The following NRG3 variants were observed in gnomAD, a reference collection of about 807,000 sequenced individuals.
The protein encoded by NRG3 is neuregulin 3.
NRG3 carries 31 observed loss-of-function variants against 66.9 expected under a neutral mutation model. The observed-to-expected ratio is 0.46, with a 90% CI of 0.35 to 0.63. NRG3 has a LOEUF of 0.63. Among genes scored for constraint, NRG3 ranks in the 20% least tolerant of loss-of-function variants. The pLI is 0.00. For missense variants in NRG3, 910 were observed against 878.9 expected (o/e 1.04, Z -0.45); for synonymous variants, 393 against 359.4 (o/e 1.09, Z -1.06).
At chr10:82,735,929 GAAAGATAAT>G (rs2058132900) in intron 2 of NRG3, among the ~76,000 whole-genome samples, 1 of 102,220 alleles carries the variant, frequency 9.8e-6, no homozygotes, top group South Asian at 3.1e-4. Flanking sequence ...ATAAAAAAAA[GAAAGATAAT>G]AGAATATTAA....
chr10:82,151,569 T>C (rs1740305376), intron 1 of NRG3, among the ~76,000 whole-genome samples: 1 of 152,228 alleles, frequency 6.6e-6, no homozygotes, highest in African/African-American at 2.4e-5. Context: ...TGATGTCATC[T>C]TGTTGGATGT....
chr10:82,265,407 A>G (rs2078244698), intron 1 of NRG3, among the ~76,000 whole-genome samples: 1 of 152,192 alleles, frequency 6.6e-6, no homozygotes, highest in Non-Finnish European at 1.5e-5. Flanking sequence ...GAGGAAGGTT[A>G]TGGACGATGG....
chr10:82,786,680 T>C (rs969125500), intron 3 of NRG3, among the ~76,000 whole-genome samples: 2 of 152,152 alleles, frequency 1.3e-5, no homozygotes, highest in Admixed American at 1.3e-4. Context: ...ATTTTGTGTG[T>C]GAGAATGACA....
chr10:82,110,250 A>C (rs755014988), intron 1 of NRG3, among the ~76,000 whole-genome samples: 3 of 152,158 alleles, frequency 2.0e-5, no homozygotes, highest in Non-Finnish European at 2.9e-5. Flanking sequence ...CAAATAAAAA[A>C]TCCTTTGGAT....
intron 6 of NRG3, among the ~76,000 whole-genome samples, chr10:82,961,409 A>G (rs1850627081): frequency 6.6e-6 from 1 of 152,240 alleles, no homozygotes; most frequent in Admixed American, 6.5e-5. Flanking sequence ...GCATTGTCTC[A>G]TTTAGTTCTA....
intron 1 of NRG3, among the ~76,000 whole-genome samples, chr10:81,984,615 A>G (rs1589687064): frequency 2.0e-5 from 3 of 151,978 alleles, no homozygotes; most frequent in Middle Eastern, 6.8e-3. Flanking sequence ...ACTCCTATTC[A>G]CTCGTCAAGA....
At chr10:82,004,475 G>T (rs1357927098) in intron 1 of NRG3, among the ~76,000 whole-genome samples, 2 of 152,020 alleles carry the variant, frequency 1.3e-5, no homozygotes. Context: ...TTACCATGTG[G>T]CTTCCAGGTA....
At chr10:81,917,570 C>T (rs953299048) in intron 1 of NRG3, among the ~76,000 whole-genome samples, 2 of 152,092 alleles carry the variant, frequency 1.3e-5, no homozygotes, top group South Asian at 4.1e-4. Flanking sequence ...TGCAAAAAAC[C>T]CCAGGGGTAA....
At chr10:82,232,862 G>A in intron 1 of NRG3, 1 of 717,080 alleles carries the variant, frequency 1.4e-6, no homozygotes, top group Non-Finnish European at 2.6e-6. Context: ...TCTGAGAGAA[G>A]GGTAAGGCAG....
At chr10:81,925,160 T>A (rs1385985793) in intron 1 of NRG3, among the ~76,000 whole-genome samples, 6 of 152,160 alleles carry the variant, frequency 3.9e-5, no homozygotes, top group African/African-American at 1.4e-4. Context: ...GACATCAAAA[T>A]GATTTTATTA....
chr10:82,422,840 G>T (rs564541202), intron 2 of NRG3, among the ~76,000 whole-genome samples: 1 of 152,090 alleles, frequency 6.6e-6, no homozygotes, highest in Non-Finnish European at 1.5e-5. Context: ...GTCAGAACTT[G>T]TTGAGAGTGG....
intron 2 of NRG3, among the ~76,000 whole-genome samples, chr10:82,665,020 C>T (rs1365875572): frequency 1.3e-5 from 2 of 152,078 alleles, no homozygotes; most frequent in African/African-American, 4.8e-5. Flanking sequence ...ACGATGATGT[C>T]CATTATTTCC....
intron 2 of NRG3, among the ~76,000 whole-genome samples, chr10:82,399,241 A>AT (rs2086916661): frequency 6.6e-6 from 1 of 152,168 alleles, no homozygotes; most frequent in African/African-American, 2.4e-5. Flanking sequence ...AGACAGGATA[A>AT]TTTTTTTATT....
chr10:82,137,873 C>T (rs1316998693), intron 1 of NRG3, among the ~76,000 whole-genome samples: 2 of 152,148 alleles, frequency 1.3e-5, no homozygotes, highest in Non-Finnish European at 2.9e-5. Flanking sequence ...CACTCTAAAA[C>T]TGAATGCTAA....
chr10:82,450,728 G>T (rs2090981731), intron 2 of NRG3, among the ~76,000 whole-genome samples: 1 of 151,996 alleles, frequency 6.6e-6, no homozygotes, highest in Non-Finnish European at 1.5e-5. Flanking sequence ...GATTTAACTT[G>T]GTCAACACAA....
chr10:82,065,963 C>T (rs1329944315), intron 1 of NRG3, among the ~76,000 whole-genome samples: 1 of 152,088 alleles, frequency 6.6e-6, no homozygotes, highest in African/African-American at 2.4e-5. Flanking sequence ...TTTGCAAAGG[C>T]CTGTTTTCCA....
At chr10:82,624,538 G>A (rs1331653415) in intron 2 of NRG3, among the ~76,000 whole-genome samples, 6 of 151,800 alleles carry the variant, frequency 4.0e-5, no homozygotes, top group Non-Finnish European at 8.8e-5. Context: ...CTCATACTCT[G>A]ACTTATGAAA....
At position 81,930,078 on chromosome 10, in the gene NRG3, C is replaced by T. The variant is rs774072473; in HGVS notation, c.823+53915C>T. Among the ~76,000 whole-genome samples, 49 of 152,200 alleles carry T rather than the reference C, an allele frequency of 3.2e-4. 1 individual carries two copies. Among genetic ancestry groups the T allele is most frequent in the Non-Finnish European group, 5.7e-4 (39 of 68,018 alleles). Reference sequence around the variant, plus strand: ...TGCCTTGGAGCACTTAGAGGGATTACAGGAGGAGTGATCTGTGGAGTTTTA... The same window carrying T: ...TGCCTTGGAGCACTTAGAGGGATTATAGGAGGAGTGATCTGTGGAGTTTTA... On this transcript the variant is annotated intron_variant, in intron 1 of 8. Coordinates refer to ENST00000372141, the MANE Select transcript of NRG3 (RefSeq NM_001010848.4).
intron 1 of NRG3, among the ~76,000 whole-genome samples, chr10:82,279,963 A>C (rs1564743123): frequency 6.6e-6 from 1 of 152,220 alleles, no homozygotes; most frequent in Admixed American, 6.5e-5. Context: ...ATGAGAGACC[A>C]ATGGGATTGG....
Sources: allele counts gnomAD v4.1 joint callset (sites outside exome capture counted in the v4.1 genomes callset), GRCh38; gene constraint gnomAD v4.1.1; transcripts MANE v1.5; gene names NCBI Gene and HGNC (gene_info 2026-07-23, HGNC 2026-07-21).